Variants in ULK4 observed in about 807,000 individuals in gnomAD.
ULK4 encodes unc-51 like kinase 4.
Under a neutral mutation model 160.6 loss-of-function variants are expected in ULK4, and 133 were observed. The ratio of observed to expected loss-of-function variants is 0.83; its 90% CI spans 0.72 to 0.96. ULK4 has a LOEUF of 0.96. ULK4 is among the 40% of genes least tolerant of loss of function. The pLI, the probability that ULK4 is intolerant of heterozygous loss-of-function variation, is 0.00. For missense variants in ULK4, 1,580 were observed against 1,499.5 expected (o/e 1.05, Z -0.89); for synonymous variants, 534 against 539.8 (o/e 0.99, Z 0.15).
chr3:41,710,108 T>C (rs1448872376), intron 25 of ULK4, among the ~76,000 whole-genome samples: 1 of 152,176 alleles, frequency 6.6e-6, no homozygotes, highest in Non-Finnish European at 1.5e-5. Context: ...TTTTCACATA[T>C]ATATATATAA....
intron 22 of ULK4, among the ~76,000 whole-genome samples, chr3:41,737,783 C>T (rs1364623070): frequency 1.3e-5 from 2 of 151,980 alleles, no homozygotes; most frequent in African/African-American, 4.8e-5. Context: ...AAGCTATTAT[C>T]TCTCAGCTTA....
chr3:41,453,178 GTTTTTTT>G (rs2083461449), intron 34 of ULK4, among the ~76,000 whole-genome samples: 1 of 151,882 alleles, frequency 6.6e-6, no homozygotes, highest in African/African-American at 2.4e-5. Flanking sequence ...TTTGTTTTTT[GTTTTTTT>G]GAGACAGGGT....
intron 32 of ULK4, among the ~76,000 whole-genome samples, chr3:41,469,876 T>C (rs761360616): frequency 2.7e-5 from 4 of 150,740 alleles, no homozygotes; most frequent in East Asian, 1.9e-4. Context: ...AACTTGAAGA[T>C]AGAACATCTG....
chr3:41,863,072 G>C (rs930341734), intron 17 of ULK4, among the ~76,000 whole-genome samples: 2 of 151,248 alleles, frequency 1.3e-5, no homozygotes, highest in Non-Finnish European at 2.9e-5. Flanking sequence ...GGTGGGTCCA[G>C]AAGTGCCATC....
chr3:41,862,801 TTC>T (rs1553676916), intron 17 of ULK4, among the ~76,000 whole-genome samples: 1 of 134,540 alleles, frequency 7.4e-6, no homozygotes, highest in Non-Finnish European at 1.6e-5. Flanking sequence ...CCCCCCCCCT[TTC>T]TCTCTCTCTC....
chr3:41,512,151 T>C (rs2085599587), intron 32 of ULK4, among the ~76,000 whole-genome samples: 1 of 152,126 alleles, frequency 6.6e-6, no homozygotes, highest in African/African-American at 2.4e-5. Context: ...AAGTCATCTA[T>C]GAAAAACCCA....
rs1173774675 is a variant in ULK4 at position 41,750,642 on chromosome 3, G to C, written c.2321+3719C>G. Among the ~76,000 whole-genome samples the C allele has an allele frequency of 2.6e-5, 4 of 152,196 alleles. No individual in the cohort carries two copies. The East Asian group carries it at 7.7e-4, about 29-fold the overall frequency. On this transcript the variant is annotated intron_variant, in intron 22 of 36. Transcript: ENST00000301831. ...AAAAAAACACTGCCTTCTCCGTAGA[G>C]TTTTCAATATTTGTTAAAATTCCTT... is the stretch of plus-strand genomic sequence containing the variant.
chr3:41,565,617 C>T (rs562572224), intron 32 of ULK4, among the ~76,000 whole-genome samples: 10 of 152,328 alleles, frequency 6.6e-5, no homozygotes, highest in African/African-American at 2.2e-4. Flanking sequence ...GAGTCTCCAA[C>T]AGCATGATGG....
intron 17 of ULK4, among the ~76,000 whole-genome samples, chr3:41,837,785 T>G (rs1575801990): frequency 6.6e-6 from 1 of 152,132 alleles, no homozygotes; most frequent in African/African-American, 2.4e-5. Flanking sequence ...AGTTTCGAAC[T>G]CCTGACTTCA....
At chr3:41,484,521 C>T (rs557348761) in intron 32 of ULK4, among the ~76,000 whole-genome samples, 147 of 146,940 alleles carry the variant, frequency 1.0e-3, no homozygotes, top group Admixed American at 2.3e-3. Flanking sequence ...GGTGCAATCT[C>T]GGCTCACTGC....
chr3:41,736,562 G>T (rs2038056832), intron 22 of ULK4, among the ~76,000 whole-genome samples: 1 of 151,880 alleles, frequency 6.6e-6, no homozygotes, highest in African/African-American at 2.4e-5. Context: ...TTGTAAACTT[G>T]TTTGAGTTCA....
chr3:41,684,533 T>C (rs2036034285), intron 27 of ULK4, among the ~76,000 whole-genome samples: 1 of 152,190 alleles, frequency 6.6e-6, no homozygotes, highest in African/African-American at 2.4e-5. Flanking sequence ...AGGTAGCCAG[T>C]CTGAAAGGAC....
At chr3:41,850,905 T>C (rs549711999) in intron 17 of ULK4, among the ~76,000 whole-genome samples, 333 of 152,304 alleles carry the variant, frequency 2.2e-3, no homozygotes, top group Admixed American at 0.014. Flanking sequence ...CTGAATGGTA[T>C]TGCCTAGGTT....
intron 32 of ULK4, among the ~76,000 whole-genome samples, chr3:41,498,087 A>G (rs899802846): frequency 3.3e-5 from 5 of 152,106 alleles, no homozygotes; most frequent in African/African-American, 1.2e-4. Context: ...TATAGCCACA[A>G]CTCCAGAATA....
chr3:41,954,874 AT>A, intron 1 of ULK4, 67 bp from the exon 2 acceptor site: 1 of 1,064,164 alleles, frequency 9.4e-7, no homozygotes, highest in Non-Finnish European at 1.3e-6. Context: ...GCCTAGGATA[AT>A]TAGCCTAGGA....
At chr3:41,495,162 A>G (rs1357501786) in intron 32 of ULK4, among the ~76,000 whole-genome samples, 1 of 152,196 alleles carries the variant, frequency 6.6e-6, no homozygotes, top group Non-Finnish European at 1.5e-5. Context: ...GAGGCATCAC[A>G]CTACCTGACT....
intron 32 of ULK4, among the ~76,000 whole-genome samples, chr3:41,565,749 T>C (rs747482468): frequency 6.6e-6 from 1 of 152,192 alleles, no homozygotes; most frequent in Non-Finnish European, 1.5e-5. Context: ...AGAAAACAGA[T>C]GAAGACAGAT....
intron 30 of ULK4, among the ~76,000 whole-genome samples, chr3:41,624,894 T>G (rs1423752489): frequency 6.6e-6 from 1 of 152,210 alleles, no homozygotes; most frequent in African/African-American, 2.4e-5. Context: ...CTGCAATGAA[T>G]AGTAATCACA....
chr3:41,717,594 A>G (rs2037313275), intron 23 of ULK4, 134 bp downstream of exon 23: 2 of 1,112,946 alleles, frequency 1.8e-6, no homozygotes, highest in Non-Finnish European at 2.5e-6. Context: ...TCTTGAAACT[A>G]CATATTCGTT....
Sources: allele counts gnomAD v4.1 joint callset (sites outside exome capture counted in the v4.1 genomes callset), GRCh38; gene constraint gnomAD v4.1.1; transcripts MANE v1.5; gene names NCBI Gene and HGNC (gene_info 2026-07-23, HGNC 2026-07-21).